STARD13: variants seen among roughly 807,000 people sequenced by gnomAD.
STARD13 encodes the protein stAR-related lipid transfer protein 13.
Under a neutral mutation model 106.4 loss-of-function variants are expected in STARD13, and 62 were observed. The observed-to-expected ratio is 0.58, with a 90% CI of 0.48 to 0.72. The LOEUF (loss-of-function observed/expected upper bound fraction) is 0.72, where lower values mean the gene tolerates loss of function less well. Among genes scored for constraint, STARD13 ranks in the 30% least tolerant of loss-of-function variants. The pLI is 0.00. For missense variants in STARD13, 1,387 were observed against 1,424.0 expected (o/e 0.97, Z 0.42); for synonymous variants, 565 against 553.0 (o/e 1.02, Z -0.31).
At chr13:33,626,272 T>C in the STARD13 span, among the ~76,000 whole-genome samples, 1 of 152,230 alleles carries the variant, frequency 6.6e-6, no homozygotes, top group Non-Finnish European at 1.5e-5. Flanking sequence ...CTAATCTTTT[T>C]ATCCTCTCAG....
At chr13:33,456,244 C>T in the STARD13 span, among the ~76,000 whole-genome samples, 5 of 152,118 alleles carry the variant, frequency 3.3e-5, no homozygotes, top group Admixed American at 2.6e-4. Flanking sequence ...GGCTGGATAG[C>T]AATGGCATGA....
the STARD13 span, among the ~76,000 whole-genome samples, chr13:33,381,269 T>G: frequency 6.6e-6 from 1 of 152,132 alleles, no homozygotes; most frequent in Admixed American, 6.6e-5. Context: ...TTAAATTTAT[T>G]TAACCATTGA....
intron 1 of STARD13, among the ~76,000 whole-genome samples, chr13:33,343,119 A>G (rs866817096): frequency 1.3e-5 from 2 of 152,168 alleles, no homozygotes; most frequent in Admixed American, 6.5e-5. Context: ...TTCCAAAGCT[A>G]ATGGAGCCAA....
At chr13:33,384,076 C>A in the STARD13 span, among the ~76,000 whole-genome samples, 1 of 152,098 alleles carries the variant, frequency 6.6e-6, no homozygotes, top group East Asian at 1.9e-4. Flanking sequence ...GATAAATTAT[C>A]CCTGGGAGAG....
At chr13:33,347,258 C>G (rs1237602888), downstream of STARD13, among the ~76,000 whole-genome samples, 1 of 151,916 alleles carries the variant, frequency 6.6e-6, no homozygotes, top group East Asian at 1.9e-4. Flanking sequence ...TTTTTTGAGA[C>G]AGAGTCTCGC....
rs1439367505 is a variant in STARD13 at position 33,127,523 on chromosome 13, T to G, written c.1772A>C (p.Gln591Pro). 3 of 1,559,034 alleles carry G rather than the reference T, an allele frequency of 1.9e-6. No individual in the cohort carries two copies. Among genetic ancestry groups the G allele is most frequent in the Non-Finnish European group, 2.6e-6 (3 of 1,160,062 alleles). ...GGCCGGCCGGGGCTGGTGCGACAGC[T>G]GGAAACTGTTCCATCGGAGTCGCCT... ...PNRRLRWNSF[Q>P]LSHQPRPAPA... Residue 591 changes from glutamine (Q) to proline (P), a missense_variant, in exon 6 of 14, where the codon CAG becomes CCG. Coordinates refer to ENST00000336934, the MANE Select transcript of STARD13 (RefSeq NM_178006.4).
At chr13:33,261,112 C>T (rs1890619306) in intron 1 of STARD13, among the ~76,000 whole-genome samples, 1 of 152,186 alleles carries the variant, frequency 6.6e-6, no homozygotes, top group African/African-American at 2.4e-5. Flanking sequence ...GGAATGAATT[C>T]ATTTGTATCT....
chr13:33,453,426 C>A, the STARD13 span, among the ~76,000 whole-genome samples: 1 of 152,116 alleles, frequency 6.6e-6, no homozygotes, highest in Admixed American at 6.5e-5. Flanking sequence ...ATGAATAAAT[C>A]CTAAGTGCTT....
chr13:33,312,151 A>T (rs1893160193), intron 1 of STARD13, among the ~76,000 whole-genome samples: 1 of 152,174 alleles, frequency 6.6e-6, no homozygotes. Context: ...ATCAACAAAC[A>T]TTTTTACTGT....
chr13:33,564,180 C>T, the STARD13 span, among the ~76,000 whole-genome samples: 1 of 135,862 alleles, frequency 7.4e-6, no homozygotes. Context: ...TGCACTCCAG[C>T]CTGGCAACAG....
chr13:33,138,716 G>A lies in STARD13; in HGVS notation c.387+3594C>T, dbSNP rs181092172. 3 of 348,114 alleles carry A rather than the reference G, an allele frequency of 8.6e-6. No individual in the cohort carries two copies. In the East Asian group the frequency reaches 2.8e-4, roughly 33 times the overall value. The allele number at this position is 348,114 out of a possible 1,614,324, so 21.6% of individuals were successfully genotyped here. A position where few individuals can be genotyped will look rare whatever the true frequency, so the allele number is the denominator to read the frequency against. Reference sequence around the variant, plus strand: ...AGAGCCCGAGCTGCAGGCGGCAGAAGTGCTGGTGTCCTGTCTCCTGAAATG... The same window carrying A: ...AGAGCCCGAGCTGCAGGCGGCAGAAATGCTGGTGTCCTGTCTCCTGAAATG... On this transcript the variant is annotated intron_variant, in intron 4 of 13. Coordinates refer to ENST00000336934, the MANE Select transcript of STARD13 (RefSeq NM_178006.4).
At chr13:33,658,306 A>G in the STARD13 span, 1 of 152,246 alleles carries the variant, frequency 6.6e-6, no homozygotes, top group Non-Finnish European at 1.5e-5. Flanking sequence ...TTATCCATTC[A>G]TCCATTGATA....
At chr13:33,587,516 G>A in the STARD13 span, among the ~76,000 whole-genome samples, 1 of 152,134 alleles carries the variant, frequency 6.6e-6, no homozygotes, top group African/African-American at 2.4e-5. Context: ...TTCTAATCAT[G>A]GCTGGCCCGT....
intron 1 of STARD13, among the ~76,000 whole-genome samples, chr13:33,334,573 C>T (rs2077873192): frequency 6.6e-6 from 1 of 152,160 alleles, no homozygotes; most frequent in Admixed American, 6.5e-5. Flanking sequence ...ACCCCCAAGA[C>T]ATAAAAGGAG....
chr13:33,349,133 T>C lies in STARD13; in HGVS notation c.*16A>G, dbSNP rs1158085076. 4.3e-6 allele frequency: 3 copies of C among 702,328 alleles called. No homozygotes were observed. In the South Asian group the frequency reaches 4.4e-5, roughly 10 times the overall value. 43.5% of individuals were successfully genotyped at this position (702,328 alleles called of 1,614,324 possible). A position where few individuals can be genotyped will look rare whatever the true frequency, so the allele number is the denominator to read the frequency against. ...CTCCCGCTTCACCAGTGGTGTCCTTTCCTTCTTTCTAGGCATCAGACCTTC... is the reference window on the plus strand; with the variant it reads ...CTCCCGCTTCACCAGTGGTGTCCTTCCCTTCTTTCTAGGCATCAGACCTTC... On this transcript the variant is annotated 3_prime_UTR_variant, in exon 2 of 2. Transcript: ENST00000439831.
chr13:33,128,874 AAC>A (rs1877662546), intron 5 of STARD13, 53 bp downstream of exon 5: 1 of 1,528,446 alleles, frequency 6.5e-7, no homozygotes, highest in Non-Finnish European at 8.8e-7. Context: ...AAATAAACAG[AAC>A]ACAATTACTA....
At chr13:33,147,345 C>T (rs1251857542) in intron 3 of STARD13, among the ~76,000 whole-genome samples, 1 of 152,136 alleles carries the variant, frequency 6.6e-6, no homozygotes, top group Admixed American at 6.5e-5. Flanking sequence ...TTTAGCTGAC[C>T]TTGATGATCT....
chr13:33,312,422 T>C (rs1331536823), intron 1 of STARD13, among the ~76,000 whole-genome samples: 1 of 152,190 alleles, frequency 6.6e-6, no homozygotes, highest in Non-Finnish European at 1.5e-5. Flanking sequence ...AACTAACCCA[T>C]GCCTTTCCTG....
chr13:33,314,396 C>T (rs183049435), intron 1 of STARD13, among the ~76,000 whole-genome samples: 327 of 152,188 alleles, frequency 2.1e-3, no homozygotes, highest in Non-Finnish European at 3.6e-3. Flanking sequence ...ACTACAGCCA[C>T]GGTGGTAGGA....
Sources: allele counts gnomAD v4.1 joint callset (sites outside exome capture counted in the v4.1 genomes callset), GRCh38; gene constraint gnomAD v4.1.1; transcripts MANE v1.5; gene names NCBI Gene and HGNC (gene_info 2026-07-23, HGNC 2026-07-21).